The following KCNJ3 variants were observed in gnomAD, a reference collection of about 807,000 sequenced individuals.
KCNJ3 encodes the protein potassium inwardly rectifying channel subfamily J member 3.
In KCNJ3, 4 loss-of-function variants were observed where a neutral mutation model predicts 39.2. That is an observed-to-expected ratio of 0.10 (90% CI 0.05 to 0.23). KCNJ3 has a LOEUF of 0.23. Ranked by LOEUF, KCNJ3 falls within the 10% of genes least tolerant of loss-of-function variation. KCNJ3 has a pLI of 1.00. For missense variants in KCNJ3, 276 were observed against 634.9 expected, an observed-to-expected ratio of 0.43 and a Z score of 6.08; for synonymous variants, 230 against 237.4, an observed-to-expected ratio of 0.97 and a Z score of 0.29.
intron 2 of KCNJ3, among the ~76,000 whole-genome samples, chr2:154,715,309 T>C (rs570956253): frequency 6.6e-6 from 1 of 152,330 alleles, no homozygotes; most frequent in East Asian, 1.9e-4. Context: ...AAGCCCCTAA[T>C]GACTGCTCCA....
chr2:154,707,342 A>G (rs1685031473), intron 1 of KCNJ3, among the ~76,000 whole-genome samples: 1 of 152,096 alleles, frequency 6.6e-6, no homozygotes. Context: ...TGGAACAGAT[A>G]TATGCATATT....
rs1264612521 is a variant in KCNJ3, at chr2:154,856,357, TTTTC to T, written c.*1052_*1055del. 3 of 152,576 alleles carry T rather than the reference TTTTC, an allele frequency of 2.0e-5. No homozygotes were observed. Among genetic ancestry groups the T allele is most frequent in the Non-Finnish European group, 4.4e-5 (3 of 67,988 alleles). The allele number at this position is 152,576 out of a possible 1,614,324, so 9.5% of individuals were successfully genotyped here. A position where few individuals can be genotyped will look rare whatever the true frequency, so the allele number is the denominator to read the frequency against. On this transcript the variant is annotated 3_prime_UTR_variant, in exon 3 of 3. Coordinates refer to ENST00000295101, the MANE Select transcript of KCNJ3 (RefSeq NM_002239.4). ...TTTCAAACTGAGTAAATTGGAAACA[TTTTC>T]TTTCTTTTTCTGGAAATTTTGTCCA...
intron 2 of KCNJ3, among the ~76,000 whole-genome samples, chr2:154,733,662 A>T (rs1374901824): frequency 1.3e-5 from 2 of 152,208 alleles, no homozygotes; most frequent in African/African-American, 2.4e-5. Context: ...GCTTCATATT[A>T]TAAGGAGGTG....
At chr2:154,770,264 G>A (rs960760133) in intron 2 of KCNJ3, among the ~76,000 whole-genome samples, 1 of 152,112 alleles carries the variant, frequency 6.6e-6, no homozygotes, top group African/African-American at 2.4e-5. Flanking sequence ...TGAAATCCCA[G>A]ATATTGTACA....
chr2:154,812,939 T>C (rs2591145), intron 2 of KCNJ3, among the ~76,000 whole-genome samples: 70,094 of 152,058 alleles, frequency 0.46, 17,222 homozygotes, highest in Non-Finnish European at 0.56. Flanking sequence ...TCTTATATAG[T>C]ATATCTTATA....
chr2:154,812,413 A>AAT (rs1043357431), intron 2 of KCNJ3, among the ~76,000 whole-genome samples: 1 of 152,122 alleles, frequency 6.6e-6, no homozygotes, highest in Admixed American at 6.5e-5. Context: ...CAAAAATTAT[A>AAT]ATATATATAC....
At chr2:154,766,589 C>T (rs1686140140) in intron 2 of KCNJ3, among the ~76,000 whole-genome samples, 1 of 151,970 alleles carries the variant, frequency 6.6e-6, no homozygotes, top group Admixed American at 6.6e-5. Flanking sequence ...CGGAATCTCA[C>T]TCTGTCACCC....
At position 154,855,874 on chromosome 2, in the gene KCNJ3, G is replaced by C. The variant is rs1431252503; in HGVS notation, c.*561G>C. ...TCTTGTGCATGTTTACTTTATTAGAGTAGGAAGGCTACTGGCATTAATTAT... is the reference window on the plus strand; with the variant it reads ...TCTTGTGCATGTTTACTTTATTAGACTAGGAAGGCTACTGGCATTAATTAT... On this transcript the variant is annotated 3_prime_UTR_variant, in exon 3 of 3. Transcript: ENST00000295101. The C allele has an allele frequency of 6.6e-6, 1 of 152,356 alleles. No individual in the cohort carries two copies. The highest frequency in any genetic ancestry group is 1.5e-5 in the Non-Finnish European group (1 of 67,944). 9.4% of individuals were successfully genotyped at this position (152,356 alleles called of 1,614,324 possible).
intron 1 of KCNJ3, among the ~76,000 whole-genome samples, chr2:154,708,971 T>C (rs528078834): frequency 1.3e-5 from 2 of 152,330 alleles, no homozygotes; most frequent in East Asian, 3.9e-4. Flanking sequence ...AGTTTATTAT[T>C]AGGAGTTTGA....
At chr2:154,820,585 G>A (rs1233962224) in intron 2 of KCNJ3, among the ~76,000 whole-genome samples, 1 of 152,052 alleles carries the variant, frequency 6.6e-6, no homozygotes, top group Non-Finnish European at 1.5e-5. Context: ...TTTTAGTATT[G>A]TGAACAAAAG....
At chr2:154,824,429 C>T (rs1350319009) in intron 2 of KCNJ3, among the ~76,000 whole-genome samples, 1 of 152,118 alleles carries the variant, frequency 6.6e-6, no homozygotes, top group Non-Finnish European at 1.5e-5. Flanking sequence ...GATATATTCA[C>T]ACCAGTCTCC....
At chr2:154,735,720 CT>C (rs1685519337) in intron 2 of KCNJ3, among the ~76,000 whole-genome samples, 1 of 152,020 alleles carries the variant, frequency 6.6e-6, no homozygotes, top group African/African-American at 2.4e-5. Flanking sequence ...GTAGTTGGTC[CT>C]TTATATGTTA....
chr2:154,829,155 G>A (rs555030105), intron 2 of KCNJ3, among the ~76,000 whole-genome samples: 4 of 152,012 alleles, frequency 2.6e-5, no homozygotes, highest in South Asian at 4.1e-4. Flanking sequence ...AGGTTCAGGG[G>A]TACATGCACA....
At chr2:154,712,640 G>A (rs1319162554) in intron 2 of KCNJ3, among the ~76,000 whole-genome samples, 9 of 152,118 alleles carry the variant, frequency 5.9e-5, no homozygotes, top group Non-Finnish European at 1.2e-4. Flanking sequence ...TTCTAAGGAG[G>A]TGGCAGACTA....
rs1684841241 is a variant in KCNJ3, at chr2:154,699,126, C to T, written c.351C>T (p.Val117=). 1 of 1,614,138 alleles carries T rather than the reference C, an allele frequency of 6.2e-7. No individual in the cohort carries two copies. Among genetic ancestry groups the T allele is most frequent in the Non-Finnish European group, 8.5e-7 (1 of 1,180,058 alleles). Residue 117 remains valine, a synonymous_variant, in exon 1 of 3, where the codon GTC becomes GTT. Coordinates refer to ENST00000295101, the MANE Select transcript of KCNJ3 (RefSeq NM_002239.4). This position sits in a 1 kb window ranked among gnomAD's most constrained non-coding sequence, Gnocchi z 6.4. ...YTRGDLNKAH[V]GNYTPCVANV... ...GGGGCGACCTGAACAAAGCCCACGT[C>T]GGTAACTACACGCCTTGCGTGGCCA...
Position 154,698,947 on chromosome 2 carries a change from G to C in KCNJ3, c.172G>C (p.Gly58Arg), listed in dbSNP as rs1324602706. ...GAACGGCCGGTGCAATGTACAGCAC[G>C]GCAACCTGGGCAGCGAGACAAGCCG... Reference protein sequence around the residue: ...DKNGRCNVQHGNLGSETSRYL... With the variant: ...DKNGRCNVQHRNLGSETSRYL... The change falls in exon 1 of 3, where the codon GGC becomes CGC. Residue 58 changes from glycine (G) to arginine (R), a missense_variant. Physicochemically the swap from Gly to Arg is moderately radical, Grantham distance 125. Coordinates refer to ENST00000295101, the MANE Select transcript of KCNJ3 (RefSeq NM_002239.4). 1 of 1,614,128 alleles carries C rather than the reference G, an allele frequency of 6.2e-7. No homozygotes were observed.
rs1315374771 is a variant in KCNJ3, at chr2:154,748,851, G to A, written c.919+39032G>A. ...TTTGGAGATCAGACATTTGGTAAAT[G>A]TACTACTGATACGGACATATTAACA... is the stretch of plus-strand genomic sequence containing the variant. On this transcript the variant is annotated intron_variant, in intron 2 of 2. Transcript: ENST00000295101. Among the ~76,000 whole-genome samples the A allele has an allele frequency of 2.0e-5, 3 of 152,062 alleles. No homozygotes were observed. The East Asian group carries it at 5.8e-4, about 29-fold the overall frequency.
chr2:154,726,835 A>C (rs112021835), intron 2 of KCNJ3, among the ~76,000 whole-genome samples: 3,202 of 98,198 alleles, frequency 0.033, 46 homozygotes, highest in African/African-American at 0.041. Context: ...ACACACACAC[A>C]TACACCATGG....
chr2:154,798,463 C>G lies in KCNJ3; in HGVS notation c.920-56264C>G, dbSNP rs544163270. On this transcript the variant is annotated intron_variant, in intron 2 of 2. Coordinates refer to ENST00000295101, the MANE Select transcript of KCNJ3 (RefSeq NM_002239.4). ...TGGAAGACAAACTGTGCAAGAACAG[C>G]CAGGATATTTCTTAAAACAAAGTAG... Among the ~76,000 whole-genome samples, 3 of 152,132 alleles carry G rather than the reference C, an allele frequency of 2.0e-5. No homozygotes were observed. In the East Asian group the frequency reaches 5.8e-4, roughly 29 times the overall value.
Sources: gnomAD v4.1 joint callset for allele counts (sites outside exome capture counted in the v4.1 genomes callset) on GRCh38, gnomAD v4.1.1 for gene constraint, Gnocchi (gnomAD v3.1) non-coding constraint, MANE v1.5 for transcripts, NCBI Gene and HGNC (gene_info 2026-07-23, HGNC 2026-07-21) for gene names.